Variants in CCDC68 observed in about 807,000 individuals in gnomAD.
CCDC68 encodes coiled-coil domain containing 68.
CCDC68 carries 45 observed loss-of-function variants against 47.1 expected under a neutral mutation model. That is an observed-to-expected ratio of 0.96 (90% CI 0.75 to 1.23). The LOEUF (loss-of-function observed/expected upper bound fraction) is 1.23. Ranked by LOEUF, CCDC68 falls within the 50% of genes most tolerant of loss-of-function variation. CCDC68 has a pLI of 0.00. For synonymous variants in CCDC68, 131 were observed against 129.5 expected, an observed-to-expected ratio of 1.01 and a Z score of -0.08; for missense variants, 353 against 373.6, an observed-to-expected ratio of 0.94 and a Z score of 0.45.
chr18:54,905,714 G>T (rs1568128859), intron 11 of CCDC68, among the ~76,000 whole-genome samples: 1 of 152,070 alleles, frequency 6.6e-6, no homozygotes, highest in South Asian at 2.1e-4. Context: ...TATATCAGGG[G>T]TGCCCATGAC....
chr18:54,931,382 C>G (rs982988324), intron 7 of CCDC68, among the ~76,000 whole-genome samples: 1 of 152,234 alleles, frequency 6.6e-6, no homozygotes, highest in Non-Finnish European at 1.5e-5. Context: ...TACCTCCAGA[C>G]AGCTCCAGGT....
At chr18:54,915,935 A>G (rs1236216594) in intron 10 of CCDC68, among the ~76,000 whole-genome samples, 2 of 152,064 alleles carry the variant, frequency 1.3e-5, no homozygotes, top group Non-Finnish European at 2.9e-5. Flanking sequence ...TCTCAAATAT[A>G]TATATATATA....
At chr18:54,944,321 C>T (rs1283635890) in intron 2 of CCDC68, among the ~76,000 whole-genome samples, 1 of 151,720 alleles carries the variant, frequency 6.6e-6, no homozygotes, top group Non-Finnish European at 1.5e-5. Context: ...AATAAGTAAA[C>T]TATAATAAAA....
intron 8 of CCDC68, among the ~76,000 whole-genome samples, chr18:54,922,510 G>A (rs2044077859): frequency 2.0e-5 from 3 of 152,132 alleles, no homozygotes; most frequent in Non-Finnish European, 4.4e-5. Flanking sequence ...TAACTAAGGA[G>A]CCTCAGAAGA....
At chr18:54,906,200 T>C (rs540924114) in intron 11 of CCDC68, among the ~76,000 whole-genome samples, 25 of 152,068 alleles carry the variant, frequency 1.6e-4, no homozygotes, top group African/African-American at 5.5e-4. Flanking sequence ...TCCAAAAAGG[T>C]TGGGGACTGC....
intron 8 of CCDC68, among the ~76,000 whole-genome samples, chr18:54,923,050 T>C (rs1338039927): frequency 7.1e-6 from 1 of 141,752 alleles, no homozygotes; most frequent in Non-Finnish European, 1.5e-5. Context: ...ATTGGGTCCA[T>C]AGCTGGTGCT....
At chr18:54,938,142 C>T (rs774811731) in intron 4 of CCDC68, 45 bp from the exon 5 acceptor site, 1 of 1,564,586 alleles carries the variant, frequency 6.4e-7, no homozygotes. Flanking sequence ...ATCTTTTCCT[C>T]TACAAACTTT....
At chr18:54,907,707 A>C (rs1178621209) in intron 11 of CCDC68, 79 bp downstream of exon 11, 5 of 794,794 alleles carry the variant, frequency 6.3e-6, no homozygotes, top group Non-Finnish European at 1.1e-5. Context: ...ACAGACTGGA[A>C]TCTTTCTTGA....
intron 8 of CCDC68, among the ~76,000 whole-genome samples, chr18:54,920,903 A>G (rs2145436689): frequency 6.6e-6 from 1 of 152,382 alleles, no homozygotes; most frequent in East Asian, 1.9e-4. Context: ...TCTTATGTCC[A>G]TCACAGCAGT....
intron 7 of CCDC68, among the ~76,000 whole-genome samples, chr18:54,930,781 C>T (rs538573730): frequency 1.3e-5 from 2 of 149,138 alleles, no homozygotes; most frequent in African/African-American, 2.5e-5. Context: ...TGCAATGGTG[C>T]GATCCTGGCT....
intron 11 of CCDC68, among the ~76,000 whole-genome samples, chr18:54,905,910 C>A (rs559064595): frequency 6.6e-6 from 1 of 152,186 alleles, no homozygotes; most frequent in Non-Finnish European, 1.5e-5. Flanking sequence ...GGTGCACGAA[C>A]CCCATTGTGA....
chr18:54,951,870 T>C (rs2044625524), intron 1 of CCDC68, among the ~76,000 whole-genome samples: 1 of 152,216 alleles, frequency 6.6e-6, no homozygotes, highest in African/African-American at 2.4e-5. Flanking sequence ...CATCACCAGC[T>C]GGGAGGTCTT....
chr18:54,957,294 T>C (rs1312200258), intron 1 of CCDC68, among the ~76,000 whole-genome samples: 1 of 152,226 alleles, frequency 6.6e-6, no homozygotes, highest in Non-Finnish European at 1.5e-5. Context: ...TAGACTTGAC[T>C]TTTTAAATCA....
chr18:54,929,474 G>A (rs545788012), intron 7 of CCDC68, among the ~76,000 whole-genome samples: 3 of 152,238 alleles, frequency 2.0e-5, no homozygotes, highest in Admixed American at 2.0e-4. Flanking sequence ...TGATTATTAA[G>A]CCAAAGCTTT....
chr18:54,932,720 C>T (rs1347610577), intron 7 of CCDC68, among the ~76,000 whole-genome samples: 4 of 152,190 alleles, frequency 2.6e-5, no homozygotes, highest in African/African-American at 9.6e-5. Context: ...AGGAGATAGG[C>T]CATCACTTCC....
At chr18:54,955,176 C>A (rs138509159) in intron 1 of CCDC68, among the ~76,000 whole-genome samples, 1 of 152,166 alleles carries the variant, frequency 6.6e-6, no homozygotes, top group East Asian at 1.9e-4. Flanking sequence ...ATTTAATTAG[C>A]TAGGCATGGT....
chr18:54,927,124 T>A (rs1357796351), intron 8 of CCDC68, among the ~76,000 whole-genome samples: 1 of 152,192 alleles, frequency 6.6e-6, no homozygotes, highest in East Asian at 1.9e-4. Context: ...GTCTGAGTCA[T>A]ACTGATTTCA....
At chr18:54,914,129 T>A (rs11663341) in intron 10 of CCDC68, among the ~76,000 whole-genome samples, 31,137 of 152,186 alleles carry the variant, frequency 0.2, 3,980 homozygotes, top group East Asian at 0.33. Flanking sequence ...TCCTGACACA[T>A]CATAAACACA....
At chr18:54,949,159 A>T (rs1220834087) in intron 1 of CCDC68, among the ~76,000 whole-genome samples, 2 of 151,898 alleles carry the variant, frequency 1.3e-5, no homozygotes, top group African/African-American at 2.4e-5. Context: ...AAACCCAGCT[A>T]ATTTTTTTGT....
Sources: allele counts gnomAD v4.1 joint callset (sites outside exome capture counted in the v4.1 genomes callset), GRCh38; gene constraint gnomAD v4.1.1; transcripts MANE v1.5; gene names NCBI Gene and HGNC (gene_info 2026-07-23, HGNC 2026-07-21).